NOVA1: variants seen among roughly 807,000 people sequenced by gnomAD.
NOVA1 encodes the protein RNA-binding protein Nova-1.
Under a neutral mutation model 38.0 loss-of-function variants are expected in NOVA1, and 7 were observed. That is an observed-to-expected ratio of 0.18 (90% CI 0.10 to 0.35). The LOEUF is 0.35. Among genes scored for constraint, NOVA1 ranks in the 10% least tolerant of loss-of-function variants. The pLI, the probability that NOVA1 is intolerant of heterozygous loss-of-function variation, is 1.00. For synonymous variants in NOVA1, 270 were observed against 232.5 expected (o/e 1.16, Z -1.47); for missense variants, 460 against 616.0 (o/e 0.75, Z 2.68).
intron 2 of NOVA1, among the ~76,000 whole-genome samples, chr14:26,515,390 C>T (rs1888388981): frequency 6.6e-6 from 1 of 151,956 alleles, no homozygotes; most frequent in African/African-American, 2.4e-5. Flanking sequence ...GTGCATTACT[C>T]AAAGTTGATA....
At chr14:26,460,272 T>C (rs1221874976) in intron 4 of NOVA1, among the ~76,000 whole-genome samples, 1 of 151,626 alleles carries the variant, frequency 6.6e-6, no homozygotes, top group African/African-American at 2.4e-5. Context: ...TATACATTAG[T>C]ATTTCATTAA....
At chr14:26,504,790 T>A (rs1462445724) in intron 2 of NOVA1, among the ~76,000 whole-genome samples, 24 of 137,214 alleles carry the variant, frequency 1.7e-4, no homozygotes, top group Admixed American at 1.5e-3. Flanking sequence ...AAAAAAAAAA[T>A]GGCACCAAAC....
chr14:26,569,293 G>T lies in NOVA1; in HGVS notation c.280+26117C>A, dbSNP rs183671335. On this transcript the variant is annotated intron_variant, in intron 2 of 4. Transcript: ENST00000539517. Reference sequence around the variant, plus strand: ...ACTTCTAGATTTAAAAAATATAACTGCAATTAATGAACCTTGTAAAGTATT... The same window carrying T: ...ACTTCTAGATTTAAAAAATATAACTTCAATTAATGAACCTTGTAAAGTATT... 2.5e-3 allele frequency among the ~76,000 whole-genome samples: 382 copies of T among 152,176 alleles called. 2 individuals are homozygous for T. The highest frequency in any genetic ancestry group is 3.8e-3 in the Non-Finnish European group (257 of 67,986).
chr14:26,512,820 T>A (rs1208361570), intron 2 of NOVA1, among the ~76,000 whole-genome samples: 2 of 112,160 alleles, frequency 1.8e-5, no homozygotes, highest in East Asian at 5.5e-4. Flanking sequence ...ACGCACAACT[T>A]CCAATTTACA....
rs563061614 is a variant in NOVA1, at chr14:26,596,586, C to G, written c.136+715G>C. ...AGATAAATTCACCTCTGCTTCGATG[C>G]ATTGGGTGCATTGTTAAGATGATTC... On this transcript the variant is annotated intron_variant, in intron 1 of 4. Coordinates refer to ENST00000539517, the MANE Select transcript of NOVA1 (RefSeq NM_002515.3). The G allele has an allele frequency of 2.4e-4, 305 of 1,289,126 alleles. 3 individuals are homozygous for G. In the South Asian group the frequency reaches 3.5e-3, roughly 15 times the overall value. The allele number at this position is 1,289,126 out of a possible 1,614,324, so 79.9% of individuals were successfully genotyped here.
intron 2 of NOVA1, among the ~76,000 whole-genome samples, chr14:26,519,885 G>A (rs939280035): frequency 6.6e-5 from 10 of 152,004 alleles, no homozygotes; most frequent in African/African-American, 2.4e-4. Context: ...AAAAAGTTAT[G>A]TTAAATAATG....
intron 2 of NOVA1, among the ~76,000 whole-genome samples, chr14:26,514,770 T>C (rs1566494625): frequency 6.6e-6 from 1 of 151,804 alleles, no homozygotes; most frequent in Non-Finnish European, 1.5e-5. Context: ...GAGCTTTTAC[T>C]GATGAAAATG....
intron 2 of NOVA1, among the ~76,000 whole-genome samples, chr14:26,504,151 T>C (rs1486286887): frequency 1.3e-5 from 2 of 152,178 alleles, no homozygotes; most frequent in African/African-American, 4.8e-5. Flanking sequence ...CATTCGCTTG[T>C]AGAATTTCAA....
At chr14:26,510,904 A>C (rs1888034421) in intron 2 of NOVA1, among the ~76,000 whole-genome samples, 1 of 152,142 alleles carries the variant, frequency 6.6e-6, no homozygotes, top group Admixed American at 6.5e-5. Flanking sequence ...AATATTTCTC[A>C]TTGGTGGATA....
intron 2 of NOVA1, among the ~76,000 whole-genome samples, chr14:26,555,187 A>T (rs1399888661): frequency 6.6e-6 from 1 of 152,246 alleles, no homozygotes; most frequent in Admixed American, 6.5e-5. Flanking sequence ...GCTCTGACTT[A>T]TAGTTTAATA....
chr14:26,513,889 T>A (rs1888274172), intron 2 of NOVA1, among the ~76,000 whole-genome samples: 1 of 151,654 alleles, frequency 6.6e-6, no homozygotes, highest in African/African-American at 2.4e-5. Context: ...AAATACACAA[T>A]AGGTAGCATT....
intron 4 of NOVA1, among the ~76,000 whole-genome samples, chr14:26,464,635 T>C (rs545841390): frequency 7.2e-5 from 11 of 152,330 alleles, no homozygotes; most frequent in Admixed American, 2.0e-4. Flanking sequence ...TACTAGTTTC[T>C]TGATATTTCT....
At chr14:26,457,526 A>G (rs969895700) in intron 4 of NOVA1, among the ~76,000 whole-genome samples, 2 of 151,470 alleles carry the variant, frequency 1.3e-5, no homozygotes, top group Non-Finnish European at 3.0e-5. Flanking sequence ...GGCATTTCTC[A>G]TATGTTTGTG....
intron 2 of NOVA1, among the ~76,000 whole-genome samples, chr14:26,489,536 AT>A (rs1416064998): frequency 3.3e-5 from 5 of 151,610 alleles, no homozygotes; most frequent in Non-Finnish European, 7.4e-5. Context: ...ATTAAAATGT[AT>A]TAATTTTTTA....
intron 4 of NOVA1, among the ~76,000 whole-genome samples, chr14:26,449,570 T>C (rs1333918739): frequency 6.6e-6 from 1 of 152,124 alleles, no homozygotes; most frequent in African/African-American, 2.4e-5. Context: ...TCATTTAAAC[T>C]CACATATGAA....
chr14:26,523,698 C>T (rs1406311273), intron 2 of NOVA1, among the ~76,000 whole-genome samples: 1 of 150,682 alleles, frequency 6.6e-6, no homozygotes, highest in East Asian at 1.9e-4. Context: ...TTTCACATTC[C>T]TTGATATATC....
chr14:26,564,434 T>G (rs1352933153), intron 2 of NOVA1, among the ~76,000 whole-genome samples: 1 of 152,168 alleles, frequency 6.6e-6, no homozygotes, highest in Non-Finnish European at 1.5e-5. Flanking sequence ...ACTGGCTTGC[T>G]GGAGTTCATG....
intron 2 of NOVA1, among the ~76,000 whole-genome samples, chr14:26,512,325 A>G (rs1399627600): frequency 6.6e-6 from 1 of 152,208 alleles, no homozygotes. Context: ...AGTACTTCTA[A>G]CTACAAAGGA....
chr14:26,488,079 A>T (rs1459367830), intron 2 of NOVA1, among the ~76,000 whole-genome samples: 4 of 152,170 alleles, frequency 2.6e-5, no homozygotes, highest in Admixed American at 2.0e-4. Flanking sequence ...ATAGGAATTG[A>T]CATCTTATGA....
Sources: gnomAD v4.1 joint callset for allele counts (sites outside exome capture counted in the v4.1 genomes callset) on GRCh38, gnomAD v4.1.1 for gene constraint, MANE v1.5 for transcripts, NCBI Gene and HGNC (gene_info 2026-07-23, HGNC 2026-07-21) for gene names.